PRR16: variants seen among roughly 807,000 people sequenced by gnomAD.
PRR16 encodes the protein protein Largen.
A neutral mutation model predicts 18.2 loss-of-function variants in PRR16; 6 were observed. The ratio of observed to expected loss-of-function variants is 0.33; its 90% CI spans 0.18 to 0.65. The LOEUF (loss-of-function observed/expected upper bound fraction) is 0.65, where lower values mean the gene tolerates loss of function less well. Ranked by LOEUF, PRR16 falls within the 30% of genes least tolerant of loss-of-function variation. The pLI, the probability that PRR16 is intolerant of heterozygous loss-of-function variation, is 0.74. For synonymous variants in PRR16, 151 were observed against 147.8 expected, an observed-to-expected ratio of 1.02 and a Z score of -0.16; for missense variants, 412 against 376.6, an observed-to-expected ratio of 1.09 and a Z score of -0.78.
At chr5:120,626,157 G>A (rs1032479382) in intron 1 of PRR16, among the ~76,000 whole-genome samples, 1 of 151,992 alleles carries the variant, frequency 6.6e-6, no homozygotes, top group East Asian at 1.9e-4. Context: ...CATAAAACTG[G>A]GTTGTGATGT....
rs552373431 is a variant in PRR16, at chr5:120,485,803, C to G, written c.159+21158C>G. ...TCCCAGTGCTATCCCTCCTGCCTCC[C>G]CCGACCCCACAACAGTCCCCAGAGT... On this transcript the variant is annotated intron_variant, in intron 1 of 1. Coordinates refer to ENST00000407149, the MANE Select transcript of PRR16 (RefSeq NM_001300783.2). Among the ~76,000 whole-genome samples the G allele has an allele frequency of 2.6e-3, 394 of 152,250 alleles. 5 individuals are homozygous for G. Among genetic ancestry groups the G allele is most frequent in the Middle Eastern group, 0.014 (4 of 294 alleles).
At chr5:120,529,743 C>G (rs1391220505) in intron 1 of PRR16, among the ~76,000 whole-genome samples, 4 of 152,136 alleles carry the variant, frequency 2.6e-5, no homozygotes, top group Admixed American at 2.0e-4. Flanking sequence ...GACTGTGAGT[C>G]TAAGGATTTA....
chr5:120,542,660 G>A (rs1292372376), intron 1 of PRR16, among the ~76,000 whole-genome samples: 2 of 152,158 alleles, frequency 1.3e-5, no homozygotes, highest in African/African-American at 2.4e-5. Flanking sequence ...GATCCAAGGT[G>A]TCATGGTCTA....
chr5:120,493,784 A>G (rs1414850248), intron 1 of PRR16, among the ~76,000 whole-genome samples: 2 of 152,160 alleles, frequency 1.3e-5, no homozygotes, highest in African/African-American at 4.8e-5. Flanking sequence ...GAATAAAATT[A>G]TATGTAATCT....
intron 1 of PRR16, among the ~76,000 whole-genome samples, chr5:120,497,418 T>G (rs1291148069): frequency 3.1e-5 from 4 of 127,474 alleles, no homozygotes; most frequent in Non-Finnish European, 6.3e-5. Context: ...GGAGATGGAG[T>G]CTCACGCTAT....
At chr5:120,572,062 A>G (rs1752924921) in intron 1 of PRR16, among the ~76,000 whole-genome samples, 1 of 152,190 alleles carries the variant, frequency 6.6e-6, no homozygotes, top group South Asian at 2.1e-4. Flanking sequence ...AAAGACCAGA[A>G]GTGGTAGCTG....
At chr5:120,733,019 T>C in the PRR16 span, among the ~76,000 whole-genome samples, 1 of 152,208 alleles carries the variant, frequency 6.6e-6, no homozygotes, top group Non-Finnish European at 1.5e-5. Flanking sequence ...CAAAATGGAA[T>C]GGAAGCCTGC....
intron 1 of PRR16, among the ~76,000 whole-genome samples, chr5:120,661,869 T>G (rs544826881): frequency 6.6e-6 from 1 of 152,214 alleles, no homozygotes; most frequent in African/African-American, 2.4e-5. Flanking sequence ...GTCATGAATT[T>G]TCTGTCTGAG....
the PRR16 span, among the ~76,000 whole-genome samples, chr5:120,701,582 G>C: frequency 6.6e-6 from 1 of 152,150 alleles, no homozygotes; most frequent in East Asian, 1.9e-4. Flanking sequence ...GTGATAAAAA[G>C]ATTATAGGGT....
the PRR16 span, among the ~76,000 whole-genome samples, chr5:120,792,743 G>A: frequency 6.6e-6 from 1 of 152,048 alleles, no homozygotes; most frequent in African/African-American, 2.4e-5. Flanking sequence ...GAACAAAAGG[G>A]TAAGAAAAAA....
the PRR16 span, among the ~76,000 whole-genome samples, chr5:120,777,494 C>T: frequency 2.0e-5 from 3 of 152,062 alleles, no homozygotes; most frequent in Admixed American, 6.5e-5. Flanking sequence ...AAGTTCCCCA[C>T]CTGCTCCTTC....
chr5:120,470,425 A>G (rs1192187259), intron 1 of PRR16, among the ~76,000 whole-genome samples: 2 of 152,152 alleles, frequency 1.3e-5, no homozygotes, highest in African/African-American at 4.8e-5. Context: ...ACATTTTGTC[A>G]TATTTTCTTT....
chr5:120,588,341 C>T (rs1316616670), intron 1 of PRR16, among the ~76,000 whole-genome samples: 1 of 152,164 alleles, frequency 6.6e-6, no homozygotes, highest in Non-Finnish European at 1.5e-5. Flanking sequence ...CTATCAGCCT[C>T]TCATGCTACA....
intron 1 of PRR16, among the ~76,000 whole-genome samples, chr5:120,545,217 C>A (rs1233560424): frequency 6.6e-6 from 1 of 152,062 alleles, no homozygotes; most frequent in Non-Finnish European, 1.5e-5. Flanking sequence ...TGTCCATAAG[C>A]ATCCTTGTCT....
chr5:120,772,269 G>A, the PRR16 span, among the ~76,000 whole-genome samples: 8 of 152,120 alleles, frequency 5.3e-5, no homozygotes, highest in South Asian at 1.5e-3. Flanking sequence ...TCTGAGAAGC[G>A]TTTTTCTGCC....
intron 1 of PRR16, among the ~76,000 whole-genome samples, chr5:120,580,813 T>A (rs1321988331): frequency 1.3e-5 from 2 of 152,224 alleles, no homozygotes; most frequent in African/African-American, 4.8e-5. Flanking sequence ...TCTGTTTATG[T>A]GATCAATTAC....
chr5:120,773,960 C>A, the PRR16 span, among the ~76,000 whole-genome samples: 1 of 151,964 alleles, frequency 6.6e-6, no homozygotes, highest in Non-Finnish European at 1.5e-5. Context: ...CTTGATATTC[C>A]GTAGCTTGCA....
chr5:120,576,158 C>T (rs947373542), intron 1 of PRR16, among the ~76,000 whole-genome samples: 5 of 151,936 alleles, frequency 3.3e-5, no homozygotes, highest in African/African-American at 1.2e-4. Context: ...GCAACAAAAG[C>T]GAAGACAAAC....
intron 1 of PRR16, among the ~76,000 whole-genome samples, chr5:120,610,597 T>C (rs1276558858): frequency 6.6e-6 from 1 of 152,008 alleles, no homozygotes; most frequent in Non-Finnish European, 1.5e-5. Context: ...CGAGATCTAA[T>C]AGGTTTATCA....
Sources: gnomAD v4.1 joint callset for allele counts (sites outside exome capture counted in the v4.1 genomes callset) on GRCh38, gnomAD v4.1.1 for gene constraint, MANE v1.5 for transcripts, NCBI Gene and HGNC (gene_info 2026-07-23, HGNC 2026-07-21) for gene names.